The following ECM2 variants were observed in gnomAD, a reference collection of about 807,000 sequenced individuals.
The protein encoded by ECM2 is extracellular matrix protein 2, female organ and adipocyte specific.
Under a neutral mutation model 67.5 loss-of-function variants are expected in ECM2, and 57 were observed. That is an observed-to-expected ratio of 0.84 (90% CI 0.68 to 1.05). The LOEUF (loss-of-function observed/expected upper bound fraction) is 1.05, where lower values mean the gene tolerates loss of function less well. Ranked by LOEUF, ECM2 falls within the 50% of genes least tolerant of loss-of-function variation. ECM2 has a pLI of 0.00. For synonymous variants in ECM2, 258 were observed against 294.5 expected, an observed-to-expected ratio of 0.88 and a Z score of 1.27; for missense variants, 741 against 822.8, an observed-to-expected ratio of 0.90 and a Z score of 1.22.
At chr9:92,496,823 G>T (rs543543414) in intron 9 of ECM2, among the ~76,000 whole-genome samples, 1 of 152,000 alleles carries the variant, frequency 6.6e-6, no homozygotes. Context: ...AACTTATATC[G>T]CAGATACAAA....
chr9:92,551,925 G>GTATATA, the ECM2 span, among the ~76,000 whole-genome samples: 2,246 of 84,434 alleles, frequency 0.027, 71 homozygotes, highest in South Asian at 0.034. Context: ...TGGTGTGTGT[G>GTATATA]TATATATATA....
intron 1 of ECM2, among the ~76,000 whole-genome samples, chr9:92,533,303 CAAAAAA>C (rs1174584000): frequency 1.0e-3 from 31 of 29,866 alleles, no homozygotes; most frequent in African/African-American, 3.4e-3. Context: ...CGGTCTCAAA[CAAAAAA>C]AAAAAAAAAA....
At chr9:92,498,117 G>C (rs1247231836) in intron 9 of ECM2, among the ~76,000 whole-genome samples, 1 of 152,068 alleles carries the variant, frequency 6.6e-6, no homozygotes, top group Non-Finnish European at 1.5e-5. Flanking sequence ...ATCAGAATTG[G>C]ACTAAGACAT....
chr9:92,528,433 G>A (rs1233865796), intron 1 of ECM2, among the ~76,000 whole-genome samples: 1 of 152,158 alleles, frequency 6.6e-6, no homozygotes, highest in East Asian at 1.9e-4. Context: ...TAGCCCAGAG[G>A]AACCCTTCCA....
intron 1 of ECM2, among the ~76,000 whole-genome samples, chr9:92,535,578 G>A (rs1486358753): frequency 6.6e-6 from 1 of 151,938 alleles, no homozygotes; most frequent in East Asian, 1.9e-4. Flanking sequence ...GTCATGAGAT[G>A]TCTATTATCT....
At chr9:92,513,393 A>G (rs963625970) in intron 4 of ECM2, among the ~76,000 whole-genome samples, 1 of 152,170 alleles carries the variant, frequency 6.6e-6, no homozygotes, top group African/African-American at 2.4e-5. Context: ...ACTGTGGGGC[A>G]TTTTCTTATA....
At chr9:92,556,096 C>T in the ECM2 span, among the ~76,000 whole-genome samples, 1 of 152,092 alleles carries the variant, frequency 6.6e-6, no homozygotes, top group Admixed American at 6.6e-5. Flanking sequence ...TCATTATTGT[C>T]ATCTGGTTCA....
upstream of ECM2, among the ~76,000 whole-genome samples, chr9:92,539,672 T>C (rs893596514): frequency 6.6e-6 from 1 of 151,468 alleles, no homozygotes; most frequent in Non-Finnish European, 1.5e-5. Context: ...AGGGGAGGAG[T>C]AGTATGGACT....
At chr9:92,512,929 T>C (rs1274668702) in intron 4 of ECM2, among the ~76,000 whole-genome samples, 11 of 152,280 alleles carry the variant, frequency 7.2e-5, no homozygotes, top group African/African-American at 2.4e-4. Flanking sequence ...TTCCTGAGCA[T>C]GAGAGGAGTT....
the ECM2 span, among the ~76,000 whole-genome samples, chr9:92,545,677 C>T: frequency 1.3e-5 from 2 of 152,236 alleles, no homozygotes; most frequent in Admixed American, 6.5e-5. Flanking sequence ...CAGCCTGGTG[C>T]GGGATCCACT....
At chr9:92,494,281 CT>C, downstream of ECM2, 1 of 712,028 alleles carries the variant, frequency 1.4e-6, no homozygotes, top group Non-Finnish European at 2.2e-6. Context: ...TTGTTTACAG[CT>C]TAGATTGCCT....
chr9:92,524,670 C>T (rs1848283952), intron 1 of ECM2, among the ~76,000 whole-genome samples: 1 of 152,152 alleles, frequency 6.6e-6, no homozygotes, highest in African/African-American at 2.4e-5. Context: ...AAAAGCCTTC[C>T]TTACACAGCC....
chr9:92,511,109 T>G (rs772197824), intron 5 of ECM2, among the ~76,000 whole-genome samples: 12 of 152,194 alleles, frequency 7.9e-5, no homozygotes, highest in Non-Finnish European at 1.3e-4. Context: ...CTGAAATTCC[T>G]TGAATTCTCT....
At chr9:92,537,447 G>A (rs1324975729), upstream of ECM2, among the ~76,000 whole-genome samples, 1 of 152,124 alleles carries the variant, frequency 6.6e-6, no homozygotes, top group Non-Finnish European at 1.5e-5. Flanking sequence ...GATCACCTGA[G>A]GTTAGGAGTT....
chr9:92,550,180 G>A, the ECM2 span, among the ~76,000 whole-genome samples: 1 of 152,100 alleles, frequency 6.6e-6, no homozygotes, highest in African/African-American at 2.4e-5. Flanking sequence ...GGAGGATCAC[G>A]AGGTCAGGAG....
At chr9:92,511,950 A>G (rs773575499) in intron 5 of ECM2, 61 bp downstream of exon 5, 219 of 1,314,662 alleles carry the variant, frequency 1.7e-4, no homozygotes, top group Non-Finnish European at 2.3e-4. Flanking sequence ...CCCCATCTCC[A>G]ACCAATGCAA....
intron 2 of ECM2, among the ~76,000 whole-genome samples, chr9:92,519,462 A>G (rs1291204068): frequency 6.6e-6 from 1 of 152,240 alleles, no homozygotes; most frequent in Non-Finnish European, 1.5e-5. Context: ...TGATACTAGT[A>G]TAAGCATAGA....
upstream of ECM2, chr9:92,539,136 C>T (rs1030771148): frequency 7.9e-5 from 12 of 152,118 alleles, no homozygotes; most frequent in Admixed American, 4.6e-4. Flanking sequence ...TACAATGTTC[C>T]GGTATCTTTA....
At chr9:92,505,497 T>C (rs1846945900) in intron 7 of ECM2, 36 bp downstream of exon 7, 7 of 1,521,396 alleles carry the variant, frequency 4.6e-6, no homozygotes, top group South Asian at 1.2e-5. Context: ...ATTTCAAATA[T>C]AATACATTTA....
Sources: gnomAD v4.1 joint callset for allele counts (sites outside exome capture counted in the v4.1 genomes callset) on GRCh38, gnomAD v4.1.1 for gene constraint, MANE v1.5 for transcripts, NCBI Gene and HGNC (gene_info 2026-07-23, HGNC 2026-07-21) for gene names.